The following CDYL2 variants were observed in gnomAD, a reference collection of about 807,000 sequenced individuals.
CDYL2 encodes the protein chromodomain Y like 2.
CDYL2 carries 23 observed loss-of-function variants against 49.4 expected under a neutral mutation model. The ratio of observed to expected loss-of-function variants is 0.47; its 90% CI spans 0.34 to 0.66. CDYL2 has a LOEUF of 0.66. CDYL2 is among the 30% of genes least tolerant of loss of function. The pLI is 0.01. For synonymous variants in CDYL2, 360 were observed against 268.8 expected (o/e 1.34, Z -3.32); for missense variants, 678 against 656.4 (o/e 1.03, Z -0.36).
chr16:80,659,923 G>A (rs1236191447), intron 2 of CDYL2, among the ~76,000 whole-genome samples: 2 of 151,856 alleles, frequency 1.3e-5, no homozygotes, highest in African/African-American at 4.8e-5. Context: ...ATGATAAACT[G>A]TAGAATTCCA....
At chr16:80,797,809 C>T (rs534341636) in intron 1 of CDYL2, among the ~76,000 whole-genome samples, 2 of 152,324 alleles carry the variant, frequency 1.3e-5, no homozygotes, top group South Asian at 4.1e-4. Flanking sequence ...TTAGTTCAAG[C>T]CACCATCATC....
chr16:80,670,817 C>T, intron 2 of CDYL2: 1 of 437,442 alleles, frequency 2.3e-6, no homozygotes, highest in Non-Finnish European at 4.7e-6. Context: ...CCAGGAACAC[C>T]ACACCACAGT....
chr16:80,661,727 T>C (rs535789337), intron 2 of CDYL2, among the ~76,000 whole-genome samples: 2 of 152,216 alleles, frequency 1.3e-5, no homozygotes, highest in South Asian at 4.2e-4. Flanking sequence ...GGAAAGAAAA[T>C]GTGGATGCCA....
chr16:80,638,958 G>C (rs752315792), intron 2 of CDYL2, among the ~76,000 whole-genome samples: 1 of 152,000 alleles, frequency 6.6e-6, no homozygotes, highest in Non-Finnish European at 1.5e-5. Context: ...AACATGATCC[G>C]TGAAATAAAA....
intron 1 of CDYL2, among the ~76,000 whole-genome samples, chr16:80,743,939 CTA>C (rs1905837838): frequency 6.6e-6 from 1 of 152,064 alleles, no homozygotes; most frequent in Non-Finnish European, 1.5e-5. Flanking sequence ...TGGGACTGTA[CTA>C]TTCCTCCTGC....
At chr16:80,799,890 C>G (rs2142424793) in intron 1 of CDYL2, among the ~76,000 whole-genome samples, 1 of 152,334 alleles carries the variant, frequency 6.6e-6, no homozygotes, top group African/African-American at 2.4e-5. Context: ...ATAGCTGCCT[C>G]TTCAAATACT....
intron 1 of CDYL2, among the ~76,000 whole-genome samples, chr16:80,780,030 G>A (rs1162221282): frequency 2.0e-5 from 3 of 152,076 alleles, no homozygotes; most frequent in Non-Finnish European, 4.4e-5. Context: ...ACCTATGACT[G>A]TATCTGATTG....
intron 1 of CDYL2, among the ~76,000 whole-genome samples, chr16:80,785,539 G>A (rs146095964): frequency 0.019 from 2,957 of 152,186 alleles, 55 homozygotes; most frequent in Admixed American, 0.027. Context: ...CTTACTGCCC[G>A]AAGTAATTTA....
At chr16:80,788,910 A>C (rs1907521054) in intron 1 of CDYL2, among the ~76,000 whole-genome samples, 1 of 152,256 alleles carries the variant, frequency 6.6e-6, no homozygotes, top group South Asian at 2.1e-4. Context: ...AAAACAAACA[A>C]CTATGACTGT....
At chr16:80,623,436 C>T (rs958061137) in intron 3 of CDYL2, among the ~76,000 whole-genome samples, 3 of 152,064 alleles carry the variant, frequency 2.0e-5, no homozygotes, top group African/African-American at 7.2e-5. Flanking sequence ...TATATACTGA[C>T]CCTACGGAAC....
chr16:80,639,803 G>C (rs1908001687), intron 2 of CDYL2: 2 of 446,510 alleles, frequency 4.5e-6, no homozygotes, highest in Admixed American at 2.5e-5. Context: ...TTTGTGCACT[G>C]TGGAAAGGGA....
At chr16:80,718,302 A>C (rs1023732068) in intron 1 of CDYL2, among the ~76,000 whole-genome samples, 5 of 152,218 alleles carry the variant, frequency 3.3e-5, no homozygotes, top group Admixed American at 2.6e-4. Flanking sequence ...AATAAAATTC[A>C]TTACTTGTTT....
At chr16:80,761,105 T>A (rs1906512500) in intron 1 of CDYL2, among the ~76,000 whole-genome samples, 1 of 152,154 alleles carries the variant, frequency 6.6e-6, no homozygotes, top group Admixed American at 6.5e-5. Context: ...GACGCCAGCA[T>A]CACCTGGCTG....
chr16:80,697,022 G>T (rs1287268013), intron 1 of CDYL2, among the ~76,000 whole-genome samples: 4 of 152,084 alleles, frequency 2.6e-5, no homozygotes, highest in Admixed American at 6.5e-5. Context: ...AAAAAAATAA[G>T]TAAAGTAAAA....
rs1271635478 is a variant in CDYL2 at position 80,804,250 on chromosome 16, GGTGTGCGCGTGT to G, written c.-89_-78del. The G allele has an allele frequency of 5.5e-6, 7 of 1,280,094 alleles. No individual in the cohort carries two copies. The South Asian group carries it at 5.9e-5, about 11-fold the overall frequency. 79.3% of individuals were successfully genotyped at this position (1,280,094 alleles called of 1,614,324 possible). ...CTCCGTGCGTGTGCGCGCGGGGTCCGGTGTGCGCGTGTGTGTGCGCGCGTGTGTGTGCGAGTG... is the reference window on the plus strand; with the variant it reads ...CTCCGTGCGTGTGCGCGCGGGGTCCGGTGTGCGCGCGTGTGTGTGCGAGTG... On this transcript the variant is annotated 5_prime_UTR_variant, in exon 1 of 7. Transcript: ENST00000570137.
chr16:80,749,003 T>C (rs1906037112), intron 1 of CDYL2, among the ~76,000 whole-genome samples: 1 of 152,044 alleles, frequency 6.6e-6, no homozygotes, highest in Non-Finnish European at 1.5e-5. Context: ...ACAGTCAAAA[T>C]ATAAGGTTAA....
At chr16:80,661,740 T>C (rs928236402) in intron 2 of CDYL2, among the ~76,000 whole-genome samples, 2 of 152,196 alleles carry the variant, frequency 1.3e-5, no homozygotes, top group Non-Finnish European at 2.9e-5. Context: ...GGATGCCACA[T>C]CTGATTCCTG....
At chr16:80,758,605 C>T (rs189881590) in intron 1 of CDYL2, among the ~76,000 whole-genome samples, 3,389 of 145,832 alleles carry the variant, frequency 0.023, 62 homozygotes, top group Non-Finnish European at 0.03. Flanking sequence ...GGCAGTGGCA[C>T]GATCTCCGCT....
intron 2 of CDYL2, among the ~76,000 whole-genome samples, chr16:80,641,994 T>C (rs1410803192): frequency 6.6e-6 from 1 of 151,814 alleles, no homozygotes. Flanking sequence ...ACTATAACAT[T>C]GTAACTGTGG....
Sources: allele counts gnomAD v4.1 joint callset (sites outside exome capture counted in the v4.1 genomes callset), GRCh38; gene constraint gnomAD v4.1.1; transcripts MANE v1.5; gene names NCBI Gene and HGNC (gene_info 2026-07-23, HGNC 2026-07-21).